The following LRP1B variants were observed in gnomAD, a reference collection of about 807,000 sequenced individuals.
LRP1B encodes the protein low-density lipoprotein receptor-related protein 1B.
LRP1B carries 217 observed loss-of-function variants against 556.6 expected under a neutral mutation model. That is an observed-to-expected ratio of 0.39 (90% confidence interval 0.35 to 0.44). LRP1B has a LOEUF of 0.44. Among genes scored for constraint, LRP1B ranks in the 20% least tolerant of loss-of-function variants. The probability of loss-of-function intolerance (pLI) is 1.00; values close to 1 mark genes in which losing one functional copy is unlikely to be tolerated. For missense variants in LRP1B, 5,053 were observed against 5,620.8 expected, an observed-to-expected ratio of 0.90 and a Z score of 3.23; for synonymous variants, 2,047 against 1,865.8, an observed-to-expected ratio of 1.10 and a Z score of -2.50.
chr2:141,860,381 C>T (rs963417340), intron 1 of LRP1B, among the ~76,000 whole-genome samples: 10 of 152,092 alleles, frequency 6.6e-5, no homozygotes, highest in African/African-American at 2.4e-4. Context: ...CTCATCTTGG[C>T]TGTAAAAATT....
At chr2:140,494,997 A>C (rs971021164) in intron 56 of LRP1B, among the ~76,000 whole-genome samples, 1 of 152,182 alleles carries the variant, frequency 6.6e-6, no homozygotes, top group African/African-American at 2.4e-5. Flanking sequence ...TCTCTCCTAA[A>C]GAATTAAAGT....
intron 29 of LRP1B, among the ~76,000 whole-genome samples, chr2:140,845,699 G>A (rs766298101): frequency 2.0e-5 from 3 of 151,888 alleles, no homozygotes; most frequent in Non-Finnish European, 4.4e-5. Context: ...GATTCTTTTG[G>A]AAGCATGAGA....
intron 43 of LRP1B, among the ~76,000 whole-genome samples, chr2:140,567,128 C>T (rs1681157072): frequency 6.6e-6 from 1 of 152,124 alleles, no homozygotes; most frequent in Non-Finnish European, 1.5e-5. Context: ...AACTCTAATA[C>T]TCCATTTCCC....
At chr2:141,477,617 G>A (rs1042162609) in intron 3 of LRP1B, among the ~76,000 whole-genome samples, 5 of 152,176 alleles carry the variant, frequency 3.3e-5, no homozygotes, top group African/African-American at 1.2e-4. Context: ...TCCATGTGGT[G>A]AGGAAACTTT....
chr2:141,923,446 A>ATATGTGTGTGTGTG (rs751676259), intron 1 of LRP1B, among the ~76,000 whole-genome samples: 3 of 81,770 alleles, frequency 3.7e-5, no homozygotes, highest in Non-Finnish European at 2.4e-5. Flanking sequence ...TTATATATAT[A>ATATGTGTGTGTGTG]TGTGTGTGTG....
chr2:141,390,527 A>C (rs1286403561), intron 3 of LRP1B, among the ~76,000 whole-genome samples: 1 of 152,254 alleles, frequency 6.6e-6, no homozygotes, highest in African/African-American at 2.4e-5. Flanking sequence ...AAGATTTTAA[A>C]AAGTCTGGAT....
At chr2:142,121,990 TAATAA>T (rs1188469808) in intron 1 of LRP1B, among the ~76,000 whole-genome samples, 3 of 152,152 alleles carry the variant, frequency 2.0e-5, no homozygotes, top group African/African-American at 7.2e-5. Context: ...TTAATATAAT[TAATAA>T]AATAATAGGT....
chr2:141,336,055 T>C (rs1158297918), intron 3 of LRP1B, among the ~76,000 whole-genome samples: 2 of 128,372 alleles, frequency 1.6e-5, no homozygotes, highest in South Asian at 2.4e-4. Flanking sequence ...ATTTAAATGA[T>C]GAAAGCCTCA....
chr2:141,669,917 G>T (rs1382172051), intron 2 of LRP1B, among the ~76,000 whole-genome samples: 2 of 151,888 alleles, frequency 1.3e-5, no homozygotes, highest in Non-Finnish European at 2.9e-5. Context: ...ACCATGCCTG[G>T]CTAATTTTTG....
chr2:140,292,666 T>G (rs1418128739), intron 84 of LRP1B, among the ~76,000 whole-genome samples: 1 of 152,170 alleles, frequency 6.6e-6, no homozygotes, highest in East Asian at 1.9e-4. Flanking sequence ...TGACCTATAA[T>G]AACTCGTTTC....
At chr2:141,465,786 T>C (rs1399839250) in intron 3 of LRP1B, among the ~76,000 whole-genome samples, 1 of 152,198 alleles carries the variant, frequency 6.6e-6, no homozygotes, top group Non-Finnish European at 1.5e-5. Flanking sequence ...ACTCAAGCCA[T>C]CTGCTCGCCT....
chr2:141,832,671 T>C (rs1311425076), intron 1 of LRP1B, among the ~76,000 whole-genome samples: 3 of 151,814 alleles, frequency 2.0e-5, no homozygotes, highest in Non-Finnish European at 3.0e-5. Context: ...CAAAAACTTA[T>C]TGGATGTAAA....
intron 35 of LRP1B, among the ~76,000 whole-genome samples, chr2:140,741,073 C>G (rs2104866986): frequency 6.6e-6 from 1 of 152,260 alleles, no homozygotes; most frequent in African/African-American, 2.4e-5. Flanking sequence ...AATTACAAAA[C>G]ATTTCTAAGC....
intron 84 of LRP1B, among the ~76,000 whole-genome samples, chr2:140,294,408 T>A (rs1683519306): frequency 1.3e-5 from 2 of 152,364 alleles, no homozygotes; most frequent in South Asian, 4.1e-4. Flanking sequence ...CCTTTGTTCA[T>A]TTGGCAAGTG....
chr2:141,145,918 CTTTCTTTTTTT>C (rs992860286), intron 7 of LRP1B, among the ~76,000 whole-genome samples: 2 of 110,172 alleles, frequency 1.8e-5, no homozygotes, highest in Non-Finnish European at 3.5e-5. Context: ...TTCTTTCTTT[CTTTCTTTTTTT>C]TTTTTTTTTT....
At chr2:140,438,749 C>G (rs1215175982) in intron 66 of LRP1B, among the ~76,000 whole-genome samples, 2 of 152,110 alleles carry the variant, frequency 1.3e-5, no homozygotes, top group African/African-American at 4.8e-5. Context: ...TGTACAAAAG[C>G]AGCAAATGAG....
intron 1 of LRP1B, among the ~76,000 whole-genome samples, chr2:141,897,949 C>A (rs1366436453): frequency 6.6e-6 from 1 of 152,068 alleles, no homozygotes; most frequent in East Asian, 1.9e-4. Context: ...TGACAGTGAC[C>A]ATACAGAATT....
At chr2:141,861,424 C>T (rs1403743408) in intron 1 of LRP1B, among the ~76,000 whole-genome samples, 2 of 152,180 alleles carry the variant, frequency 1.3e-5, no homozygotes, top group African/African-American at 4.8e-5. Flanking sequence ...GTACCCAGAA[C>T]TGGAAATCAC....
intron 27 of LRP1B, among the ~76,000 whole-genome samples, chr2:140,853,212 T>C (rs1038846704): frequency 3.3e-5 from 5 of 152,050 alleles, no homozygotes; most frequent in Non-Finnish European, 7.4e-5. Context: ...GAGGTGCCCT[T>C]CCTAAGCCCT....
Sources: gnomAD v4.1 joint callset for allele counts (sites outside exome capture counted in the v4.1 genomes callset) on GRCh38, gnomAD v4.1.1 for gene constraint, MANE v1.5 for transcripts, NCBI Gene and HGNC (gene_info 2026-07-23, HGNC 2026-07-21) for gene names.